DUS4L: variants seen among roughly 807,000 people sequenced by gnomAD.
DUS4L encodes dihydrouridine synthase 4 like.
DUS4L carries 31 observed loss-of-function variants against 33.8 expected under a neutral mutation model. The observed-to-expected ratio is 0.92, with a 90% CI of 0.69 to 1.24. DUS4L has a LOEUF of 1.24. Among genes scored for constraint, DUS4L ranks in the 50% most tolerant of loss-of-function variants. DUS4L has a pLI of 0.00. For missense variants in DUS4L, 368 were observed against 388.6 expected (o/e 0.95, Z 0.45); for synonymous variants, 103 against 120.3 (o/e 0.86, Z 0.94).
chr7:107,577,178 CATATT>C lies in DUS4L; in HGVS notation c.707-133_707-129del. The C allele has an allele frequency of 3.3e-6, 4 of 1,225,894 alleles. No homozygotes were observed. The South Asian group carries it at 6.6e-5, about 20-fold the overall frequency. 75.9% of individuals were successfully genotyped at this position (1,225,894 alleles called of 1,614,324 possible). A position where few individuals can be genotyped will look rare whatever the true frequency, so the allele number is the denominator to read the frequency against. ...TTAATTCTTTTGTAATCGGATTAAA[CATATT>C]AATGCAATAAAGACATTACAAAACC... On this transcript the variant is annotated intron_variant, in intron 7 of 7. Coordinates refer to ENST00000265720, the MANE Select transcript of DUS4L (RefSeq NM_181581.3).
chr7:107,575,954 A>G (rs748960100), intron 6 of DUS4L, among the ~76,000 whole-genome samples: 8 of 152,190 alleles, frequency 5.3e-5, no homozygotes, highest in Non-Finnish European at 8.8e-5. Context: ...CAGCCTCTCA[A>G]TGTGCTGGGA....
rs1805989685 is a variant in DUS4L at position 107,578,466 on chromosome 7, T to A, written c.*906T>A. ...CATGAAAACTGTTATAAGGAAACAA[T>A]TATGTAAAACTGTTTAATTCACGTT... On this transcript the variant is annotated 3_prime_UTR_variant, in exon 8 of 8. Coordinates refer to ENST00000265720, the MANE Select transcript of DUS4L (RefSeq NM_181581.3). 1 of 152,246 alleles carries A rather than the reference T, an allele frequency of 6.6e-6. No individual in the cohort carries two copies. The highest frequency in any genetic ancestry group is 1.5e-5 in the Non-Finnish European group (1 of 68,042). 9.4% of individuals were successfully genotyped at this position (152,246 alleles called of 1,614,324 possible).
intron 4 of DUS4L, among the ~76,000 whole-genome samples, chr7:107,573,425 A>C (rs545796799): frequency 6.6e-6 from 1 of 152,390 alleles, no homozygotes; most frequent in South Asian, 2.1e-4. Context: ...TCTGGAATGC[A>C]GTAAACTAAT....
chr7:107,564,125 C>T lies in DUS4L; in HGVS notation c.-195C>T, dbSNP rs550119346. The T allele has an allele frequency of 3.0e-6, 3 of 984,942 alleles. No individual in the cohort carries two copies. Among genetic ancestry groups the T allele is most frequent in the East Asian group, 2.6e-5 (1 of 38,036 alleles). The allele number at this position is 984,942 out of a possible 1,614,324, so 61.0% of individuals were successfully genotyped here. Reference sequence around the variant, plus strand: ...CCCAGCGCACCGAGGGAGCCAAGGCCGTCGGGCCGGCGCTTTCAGCTGTCT... The same window carrying T: ...CCCAGCGCACCGAGGGAGCCAAGGCTGTCGGGCCGGCGCTTTCAGCTGTCT... On this transcript the variant is annotated 5_prime_UTR_variant, in exon 1 of 8. Coordinates refer to ENST00000265720, the MANE Select transcript of DUS4L (RefSeq NM_181581.3).
At chr7:107,566,324 A>G (rs777411516) in intron 2 of DUS4L, among the ~76,000 whole-genome samples, 63 of 152,206 alleles carry the variant, frequency 4.1e-4, no homozygotes, top group Non-Finnish European at 8.7e-4. Flanking sequence ...TACTGAGGCC[A>G]AGGACTGGAA....
Position 107,572,149 on chromosome 7 carries a change from G to A in DUS4L, c.238+883G>A, listed in dbSNP as rs1330270860. ...TATGCCTGTTTCTCCCATTAGGTTC[G>A]GCCTCCTTGAGGGCTGTAGCTTTAG... On this transcript the variant is annotated intron_variant, in intron 4 of 7. Transcript: ENST00000265720. 7.3e-5 allele frequency among the ~76,000 whole-genome samples: 11 copies of A among 151,456 alleles called. No homozygotes were observed. In the South Asian group the frequency reaches 1.7e-3, roughly 23 times the overall value.
chr7:107,567,745 T>C (rs1182206836), intron 3 of DUS4L: 1 of 452,164 alleles, frequency 2.2e-6, no homozygotes, highest in African/African-American at 2.0e-5. Context: ...TAAAACTCTT[T>C]TCATCTTAGA....
intron 5 of DUS4L, among the ~76,000 whole-genome samples, chr7:107,574,726 A>T (rs888991275): frequency 6.6e-6 from 1 of 152,228 alleles, no homozygotes; most frequent in Non-Finnish European, 1.5e-5. Context: ...GTTGTTAAGT[A>T]TAGCGTAATC....
chr7:107,574,345 T>TC (rs1201090809), intron 5 of DUS4L, among the ~76,000 whole-genome samples: 1 of 151,062 alleles, frequency 6.6e-6, no homozygotes, highest in Non-Finnish European at 1.5e-5. Flanking sequence ...CAATAATATT[T>TC]CTTTTTTTTT....
intron 2 of DUS4L, 149 bp from the exon 3 acceptor site, chr7:107,566,901 T>G: frequency 1.9e-6 from 1 of 529,844 alleles, no homozygotes; most frequent in South Asian, 3.2e-5. Flanking sequence ...AGTATCATAT[T>G]GGATACTGTG....
chr7:107,563,982 C>T lies in DUS4L; in HGVS notation c.-338C>T. ...AGAATCCCGGCGCCGCCCGCCCACC[C>T]AGCCCATGGCTCCAGGCCCACCTGG... On this transcript the variant is annotated 5_prime_UTR_variant, in exon 1 of 8. Coordinates refer to ENST00000265720, the MANE Select transcript of DUS4L (RefSeq NM_181581.3). The T allele has an allele frequency of 1.3e-6, 2 of 1,545,768 alleles. No individual in the cohort carries two copies. Among genetic ancestry groups the T allele is most frequent in the Non-Finnish European group, 1.8e-6 (2 of 1,139,230 alleles).
chr7:107,564,292 G>C, intron 1 of DUS4L, 83 bp downstream of exon 1: 1 of 473,646 alleles, frequency 2.1e-6, no homozygotes, highest in Non-Finnish European at 3.8e-6. Context: ...CGTAAGGCAG[G>C]AGAGCAGAGC....
Position 107,564,105 on chromosome 7 carries a change from C to A in DUS4L, c.-215C>A. On this transcript the variant is annotated 5_prime_UTR_variant, in exon 1 of 8. Coordinates refer to ENST00000265720, the MANE Select transcript of DUS4L (RefSeq NM_181581.3). ...CAGGGTCCGAGTGCTCTGCGCCCAGCGCACCGAGGGAGCCAAGGCCGTCGG... is the reference window on the plus strand; with the variant it reads ...CAGGGTCCGAGTGCTCTGCGCCCAGAGCACCGAGGGAGCCAAGGCCGTCGG... 3.3e-6 allele frequency: 4 copies of A among 1,194,540 alleles called. No individual in the cohort carries two copies. Among genetic ancestry groups the A allele is most frequent in the Admixed American group, 4.2e-5 (2 of 47,884 alleles). 74.0% of individuals were successfully genotyped at this position (1,194,540 alleles called of 1,614,324 possible). A position where few individuals can be genotyped will look rare whatever the true frequency, so the allele number is the denominator to read the frequency against.
chr7:107,570,990 C>T, intron 3 of DUS4L, 155 bp from the exon 4 acceptor site: 2 of 961,184 alleles, frequency 2.1e-6, no homozygotes, highest in South Asian at 1.7e-5. Context: ...ATATAATATC[C>T]AAGGTTTTTA....
chr7:107,564,048 G>C lies in DUS4L; in HGVS notation c.-272G>C. The C allele has an allele frequency of 6.6e-7, 1 of 1,523,036 alleles. No homozygotes were observed. 94.3% of individuals were successfully genotyped at this position (1,523,036 alleles called of 1,614,324 possible). On this transcript the variant is annotated 5_prime_UTR_variant, in exon 1 of 8. Transcript: ENST00000265720. ...CCCGCGCCTGGGCTAAGCCTGGCTA[G>C]GAGCCGCGCAGGTACTCGAGCAGTG...
At chr7:107,574,342 A>ATT (rs1477462590) in intron 5 of DUS4L, among the ~76,000 whole-genome samples, 4 of 141,124 alleles carry the variant, frequency 2.8e-5, no homozygotes, top group African/African-American at 7.9e-5. Context: ...TGACAATAAT[A>ATT]TTTCTTTTTT....
intron 4 of DUS4L, among the ~76,000 whole-genome samples, chr7:107,572,899 A>C (rs1304393416): frequency 6.6e-6 from 1 of 152,184 alleles, no homozygotes; most frequent in African/African-American, 2.4e-5. Context: ...CTCAAAGACA[A>C]AAAACTGAGG....
chr7:107,577,128 T>C lies in DUS4L; in HGVS notation c.707-185T>C, dbSNP rs185146393. The C allele has an allele frequency of 2.1e-4, 159 of 762,750 alleles. No individual in the cohort carries two copies. In the African/African-American group the frequency reaches 2.3e-3, roughly 11 times the overall value. The allele number at this position is 762,750 out of a possible 1,614,324, so 47.2% of individuals were successfully genotyped here. ...GATTTCTGTACGTACATTTAAACTT[T>C]CCTGGTTTACAAAAGGTACCAAAAT... On this transcript the variant is annotated intron_variant, in intron 7 of 7. Transcript: ENST00000265720.
At chr7:107,567,261 A>T in intron 3 of DUS4L, 75 bp downstream of exon 3, 1 of 1,269,412 alleles carries the variant, frequency 7.9e-7, no homozygotes, top group South Asian at 1.3e-5. Context: ...AAGTACTGTA[A>T]GACCACCCAC....
Sources: gnomAD v4.1 joint callset for allele counts (sites outside exome capture counted in the v4.1 genomes callset) on GRCh38, gnomAD v4.1.1 for gene constraint, MANE v1.5 for transcripts, NCBI Gene and HGNC (gene_info 2026-07-23, HGNC 2026-07-21) for gene names.